The following MAST4 variants were observed in gnomAD, a reference collection of about 807,000 sequenced individuals.
MAST4 encodes the protein microtubule-associated serine/threonine-protein kinase 4.
In MAST4, 89 loss-of-function variants were observed where a neutral mutation model predicts 162.7. That is an observed-to-expected ratio of 0.55 (90% confidence interval 0.46 to 0.65). The LOEUF is 0.65. MAST4 is among the 30% of genes least tolerant of loss of function. The probability of loss-of-function intolerance (pLI) is 0.00; values close to 1 mark genes in which losing one functional copy is unlikely to be tolerated. For synonymous variants in MAST4, 1,479 were observed against 1,361.1 expected (o/e 1.09, Z -1.91); for missense variants, 3,153 against 3,374.0 (o/e 0.93, Z 1.62).
At chr5:66,833,823 G>C (rs1423435962) in intron 3 of MAST4, among the ~76,000 whole-genome samples, 1 of 152,132 alleles carries the variant, frequency 6.6e-6, no homozygotes. Context: ...GTAGGAGTAT[G>C]TTACACTGAA....
At chr5:66,795,030 G>A (rs546216840) in intron 3 of MAST4, among the ~76,000 whole-genome samples, 2 of 152,088 alleles carry the variant, frequency 1.3e-5, no homozygotes, top group South Asian at 4.2e-4. Flanking sequence ...ATTTATTTAG[G>A]GTACAGACTT....
intron 1 of MAST4, among the ~76,000 whole-genome samples, chr5:66,709,164 A>G (rs1295077044): frequency 6.6e-6 from 1 of 152,140 alleles, no homozygotes; most frequent in Admixed American, 6.5e-5. Context: ...CATTTCCAGG[A>G]AAGCACCAAG....
chr5:66,935,699 G>A (rs1272212274), intron 4 of MAST4, among the ~76,000 whole-genome samples: 5 of 145,810 alleles, frequency 3.4e-5, no homozygotes, highest in South Asian at 2.2e-4. Flanking sequence ...AGACAGTCTC[G>A]CTCTGTTGCC....
chr5:67,086,603 A>G (rs1763268357), intron 5 of MAST4, among the ~76,000 whole-genome samples: 1 of 152,210 alleles, frequency 6.6e-6, no homozygotes. Flanking sequence ...CAGTCTATAA[A>G]GTGTCCTAGC....
chr5:66,915,263 T>C (rs2150026795), intron 4 of MAST4, among the ~76,000 whole-genome samples: 1 of 117,344 alleles, frequency 8.5e-6, no homozygotes, highest in East Asian at 2.3e-4. Flanking sequence ...GAGACTCTTG[T>C]CTCAAAAAAA....
intron 1 of MAST4, among the ~76,000 whole-genome samples, chr5:66,750,787 G>A (rs1272740038): frequency 6.6e-6 from 1 of 152,250 alleles, no homozygotes; most frequent in East Asian, 1.9e-4. Flanking sequence ...ACTGGGTGGA[G>A]CCCACCACAG....
chr5:66,768,471 G>A (rs1754209947), intron 2 of MAST4, among the ~76,000 whole-genome samples: 1 of 152,204 alleles, frequency 6.6e-6, no homozygotes, highest in Admixed American at 6.5e-5. Flanking sequence ...AGGAACAACT[G>A]TTGATACATG....
intron 3 of MAST4, among the ~76,000 whole-genome samples, chr5:66,879,150 G>A (rs1482964407): frequency 6.6e-6 from 1 of 152,056 alleles, no homozygotes; most frequent in Non-Finnish European, 1.5e-5. Flanking sequence ...GTGGTGGCGG[G>A]TGCCTGTAGT....
chr5:67,072,677 TGGATATATAGAAGTTA>T (rs1450178429), intron 5 of MAST4, among the ~76,000 whole-genome samples: 1 of 152,210 alleles, frequency 6.6e-6, no homozygotes, highest in African/African-American at 2.4e-5. Flanking sequence ...GTATACAAGA[TGGATATATAGAAGTTA>T]ATGCTGTTGT....
intron 14 of MAST4, among the ~76,000 whole-genome samples, chr5:67,121,910 C>A (rs1767643264): frequency 6.6e-6 from 1 of 151,768 alleles, no homozygotes; most frequent in African/African-American, 2.4e-5. Flanking sequence ...GTCCCTCAGG[C>A]TGGAGTGCAG....
intron 1 of MAST4, among the ~76,000 whole-genome samples, chr5:66,664,919 T>G (rs1747151957): frequency 6.6e-6 from 1 of 151,704 alleles, no homozygotes; most frequent in Non-Finnish European, 1.5e-5. Flanking sequence ...GAAAAGAGAG[T>G]TAACTGGAAG....
In MAST4 at chr5:66,944,103, T is replaced by TA. The variant is rs1443369581; in HGVS notation, c.674+44127dup. On this transcript the variant is annotated intron_variant, in intron 4 of 28. Transcript: ENST00000403625. ...GGGTATTTTCTGATTTTGCTATTTT[T>TA]AAAAAATAGTTTACAATTCCTATTT... Among the ~76,000 whole-genome samples, 43 of 152,156 alleles carry TA rather than the reference T, an allele frequency of 2.8e-4. 1 individual carries two copies. Among genetic ancestry groups the TA allele is most frequent in the Non-Finnish European group, 1.3e-4 (9 of 68,012 alleles).
chr5:66,822,680 A>G lies in MAST4; in HGVS notation c.642+33886A>G, dbSNP rs77672670. 9.0e-3 allele frequency among the ~76,000 whole-genome samples: 1,374 copies of G among 152,232 alleles called. 14 individuals are homozygous for G. Among genetic ancestry groups the G allele is most frequent in the Admixed American group, 0.016 (242 of 15,292 alleles). On this transcript the variant is annotated intron_variant, in intron 3 of 28. Transcript: ENST00000403625. The stretch of plus-strand genomic sequence containing the variant: ...GGGCCCTGCTGCGTTTCTCTCTTAT[A>G]GGCACATGGCTCAGAGAATTGGGGA...
At chr5:67,133,921 G>A (rs1769295471) in intron 17 of MAST4, among the ~76,000 whole-genome samples, 1 of 152,126 alleles carries the variant, frequency 6.6e-6, no homozygotes, top group Admixed American at 6.5e-5. Flanking sequence ...AGAGACAAAT[G>A]GAATACTGTT....
chr5:66,612,448 T>C (rs1055134600), intron 1 of MAST4, among the ~76,000 whole-genome samples: 2 of 152,170 alleles, frequency 1.3e-5, no homozygotes, highest in Non-Finnish European at 2.9e-5. Flanking sequence ...AGAGCTGGTG[T>C]GAAACTGCCA....
Position 66,788,728 on chromosome 5 carries a change from G to A in MAST4, c.576G>A (p.Thr192=), listed in dbSNP as rs1282013380. Residue 192 remains threonine, a synonymous_variant, in exon 3 of 29, where the codon ACG becomes ACA. Transcript: ENST00000403625. Reference sequence around the variant, plus strand: ...AGGCCTGGCCGGCCTCTGCAGAGACGTCCAACCTCGTGCGCATGCGCAGCC... The same window carrying A: ...AGGCCTGGCCGGCCTCTGCAGAGACATCCAACCTCGTGCGCATGCGCAGCC... The part of the protein sequence containing the change: ...AGQAWPASAE[T]SNLVRMRSQA... 1.2e-6 allele frequency: 2 copies of A among 1,613,164 alleles called. No individual in the cohort carries two copies. The highest frequency in any genetic ancestry group is 1.7e-5 in the Admixed American group (1 of 59,948).
intron 4 of MAST4, among the ~76,000 whole-genome samples, chr5:67,033,317 G>C (rs7705987): frequency 5.0e-4 from 58 of 115,346 alleles, no homozygotes; most frequent in Admixed American, 1.4e-3. Context: ...TCATTTCTCT[G>C]TGTGTGTGTG....
At chr5:67,104,816 T>C (rs558514985) in intron 10 of MAST4, among the ~76,000 whole-genome samples, 121 of 152,320 alleles carry the variant, frequency 7.9e-4, no homozygotes, top group African/African-American at 2.9e-3. Context: ...CAACAATCTA[T>C]GACTCTAGGA....
chr5:66,646,847 A>G (rs1237807704), intron 1 of MAST4, among the ~76,000 whole-genome samples: 3 of 152,218 alleles, frequency 2.0e-5, no homozygotes, highest in Non-Finnish European at 2.9e-5. Flanking sequence ...GATTCAAGAT[A>G]GACATCAGGT....
Sources: gnomAD v4.1 joint callset for allele counts (sites outside exome capture counted in the v4.1 genomes callset) on GRCh38, gnomAD v4.1.1 for gene constraint, MANE v1.5 for transcripts, NCBI Gene and HGNC (gene_info 2026-07-23, HGNC 2026-07-21) for gene names.